The following EPHA8 variants were observed in gnomAD, a reference collection of about 807,000 sequenced individuals.
EPHA8 encodes EPH receptor A8, also known as ephrin type-A receptor 8.
A neutral mutation model predicts 103.6 loss-of-function variants in EPHA8; 58 were observed. That is an observed-to-expected ratio of 0.56 (90% CI 0.45 to 0.70). The LOEUF (loss-of-function observed/expected upper bound fraction) is 0.70, where lower values mean the gene tolerates loss of function less well. Among genes scored for constraint, EPHA8 ranks in the 30% least tolerant of loss-of-function variants. The pLI is 0.00. For missense variants in EPHA8, 1,304 were observed against 1,395.2 expected (o/e 0.93, Z 1.04); for synonymous variants, 559 against 572.5 (o/e 0.98, Z 0.34).
chr1:22,571,205 G>T (rs919485539), intron 2 of EPHA8, among the ~76,000 whole-genome samples: 1 of 152,200 alleles, frequency 6.6e-6, no homozygotes, highest in African/African-American at 2.4e-5. Flanking sequence ...TTTCATGCGG[G>T]GCGCTATAAT....
At chr1:22,601,598 A>G in intron 16 of EPHA8, 29 bp from the exon 17 acceptor site, 2 of 1,582,054 alleles carry the variant, frequency 1.3e-6, no homozygotes, top group Non-Finnish European at 1.7e-6. Flanking sequence ...TCCCAGGCCC[A>G]GCTGGCCAGC....
chr1:22,570,394 A>G (rs1208025634), intron 2 of EPHA8, among the ~76,000 whole-genome samples: 2 of 83,446 alleles, frequency 2.4e-5, no homozygotes, highest in East Asian at 2.7e-4. Context: ...GCGCGCGCGC[A>G]TACGCACATA....
In EPHA8 at chr1:22,579,205, GTGCATGTGTGTGTATGTA is replaced by G. The variant is rs1640957076; in HGVS notation, c.823+2338_823+2355del. Among the ~76,000 whole-genome samples, 3 of 150,108 alleles carry G rather than the reference GTGCATGTGTGTGTATGTA, an allele frequency of 2.0e-5. No individual in the cohort carries two copies. The South Asian group carries it at 6.5e-4, about 32-fold the overall frequency. Reference sequence around the variant, plus strand: ...TGTGCGTGAATATATGTGTACCTGTGTGCATGTGTGTGTATGTATGCATGTGTGTGCATGTGAGTATAT... The same window carrying G: ...TGTGCGTGAATATATGTGTACCTGTGTGCATGTGTGTGCATGTGAGTATAT... On this transcript the variant is annotated intron_variant, in intron 3 of 16. Transcript: ENST00000166244.
At chr1:22,599,632 A>G (rs1188881286) in intron 13 of EPHA8, among the ~76,000 whole-genome samples, 17 of 85,258 alleles carry the variant, frequency 2.0e-4, no homozygotes, top group African/African-American at 9.4e-4. Flanking sequence ...AAGGGAAGGA[A>G]GGAAGGGAGG....
In EPHA8 at chr1:22,569,950, C is replaced by T. The variant is rs577719387; in HGVS notation, c.159+597C>T. Among the ~76,000 whole-genome samples, 3 of 152,252 alleles carry T rather than the reference C, an allele frequency of 2.0e-5. No individual in the cohort carries two copies. The highest frequency in any genetic ancestry group is 1.9e-4 in the East Asian group (1 of 5,186). ...GGGCAGTAGAGTAGGAGTGAGCCCG[C>T]GAGCCTGGTGAGATCCCAGCTCTGC... On this transcript the variant is annotated intron_variant, in intron 2 of 16. Coordinates refer to ENST00000166244, the MANE Select transcript of EPHA8 (RefSeq NM_020526.5). The surrounding 1 kb of genome is among the most constrained non-coding windows in gnomAD (Gnocchi z 4.5).
At chr1:22,590,731 T>C (rs545228485) in intron 5 of EPHA8, among the ~76,000 whole-genome samples, 1 of 151,078 alleles carries the variant, frequency 6.6e-6, no homozygotes, top group South Asian at 2.1e-4. Context: ...TGGGCGGCTG[T>C]TTCAGGGCCC....
At position 22,576,663 on chromosome 1, in the gene EPHA8, G is replaced by A. The variant is rs55952392; in HGVS notation, c.606G>A (p.Lys202=). ...LAILSLRIYY[K]KCPAMVRNLA... ...TCCTCTCTCTCCGCATCTACTATAAGAAGTGCCCTGCCATGGTGCGCAATC... is the reference window on the plus strand; with the variant it reads ...TCCTCTCTCTCCGCATCTACTATAAAAAGTGCCCTGCCATGGTGCGCAATC... The change falls in exon 3 of 17, where the codon AAG becomes AAA. Residue 202 remains lysine (K), a synonymous_variant. Transcript: ENST00000166244. This position sits in a 1 kb window ranked among gnomAD's most constrained non-coding sequence, Gnocchi z 4.8. 100 of 1,613,850 alleles carry A rather than the reference G, an allele frequency of 6.2e-5. No individual in the cohort carries two copies. The East Asian group carries it at 2.1e-3, about 33-fold the overall frequency.
In EPHA8 at chr1:22,590,247, C is replaced by T. The variant is rs189166920; in HGVS notation, c.1315+1041C>T. Reference sequence around the variant, plus strand: ...CACCTGTCTCTAGGCACCTGAGGCCCCTGGCAGGCTGGTCCCAAGTGGAGG... The same window carrying T: ...CACCTGTCTCTAGGCACCTGAGGCCTCTGGCAGGCTGGTCCCAAGTGGAGG... On this transcript the variant is annotated intron_variant, in intron 5 of 16. Transcript: ENST00000166244. Among the ~76,000 whole-genome samples, 187 of 152,308 alleles carry T rather than the reference C, an allele frequency of 1.2e-3. 1 individual carries two copies. The East Asian group carries it at 0.019, about 15-fold the overall frequency.
chr1:22,587,854 C>T (rs1485632233), intron 4 of EPHA8, among the ~76,000 whole-genome samples: 1 of 152,214 alleles, frequency 6.6e-6, no homozygotes, highest in African/African-American at 2.4e-5. Context: ...CCCACCCTCC[C>T]TCCACTGCCC....
chr1:22,586,773 T>A, intron 4 of EPHA8, 138 bp downstream of exon 4: 3 of 1,057,394 alleles, frequency 2.8e-6, no homozygotes, highest in Non-Finnish European at 2.6e-6. Context: ...CAGAGGCCAG[T>A]CTGAGGTGGG....
Position 22,597,692 on chromosome 1 carries a change from C to G in EPHA8, c.1947C>G (p.Val649=). Residue 649 remains valine (V), a synonymous_variant, in exon 11 of 17, where the codon GTC becomes GTG. Transcript: ENST00000166244. This position sits in a 1 kb window ranked among gnomAD's most constrained non-coding sequence, Gnocchi z 4.6. Reference sequence around the variant, plus strand: ...GGCCTGCAGGAGACTCCGGGGAAGTCTGCTACGGGAGGCTGCGGGTGCCAG... The same window carrying G: ...GGCCTGCAGGAGACTCCGGGGAAGTGTGCTACGGGAGGCTGCGGGTGCCAG... ...KIIGSGDSGE[V]CYGRLRVPGQ... The G allele has an allele frequency of 6.2e-7, 1 of 1,610,182 alleles. No homozygotes were observed. Among genetic ancestry groups the G allele is most frequent in the Non-Finnish European group, 8.5e-7 (1 of 1,178,374 alleles).
intron 3 of EPHA8, among the ~76,000 whole-genome samples, chr1:22,582,802 G>A (rs142501411): frequency 6.6e-5 from 10 of 152,298 alleles, no homozygotes; most frequent in African/African-American, 1.2e-4. Flanking sequence ...ATCACCCAGC[G>A]GAGCAGCAGC....
chr1:22,584,294 G>A (rs1229412721), intron 3 of EPHA8, among the ~76,000 whole-genome samples: 1 of 152,172 alleles, frequency 6.6e-6, no homozygotes, highest in African/African-American at 2.4e-5. Flanking sequence ...TCACGACTCC[G>A]AGCTCCTAGA....
Position 22,586,464 on chromosome 1 carries a change from G to T in EPHA8, c.824-16G>T, listed in dbSNP as rs200249624. 5 of 1,611,670 alleles carry T rather than the reference G, an allele frequency of 3.1e-6. No individual in the cohort carries two copies. The South Asian group carries it at 3.3e-5, about 11-fold the overall frequency. Reference sequence around the variant, plus strand: ...TGGCCCTGCTGGCTCATGTGCAGCCGCCTTCTCCTCCACAGCCTGTGAGCT... The same window carrying T: ...TGGCCCTGCTGGCTCATGTGCAGCCTCCTTCTCCTCCACAGCCTGTGAGCT... On this transcript the variant is annotated splice_polypyrimidine_tract_variant and intron_variant, in intron 3 of 16. Transcript: ENST00000166244.
chr1:22,599,157 G>A (rs1001912805), intron 13 of EPHA8, 110 bp downstream of exon 13: 2 of 1,231,698 alleles, frequency 1.6e-6, no homozygotes, highest in East Asian at 2.6e-5. Context: ...GCAGTTTCGG[G>A]GTGGCCCTCA....
chr1:22,573,859 C>A (rs953191368), intron 2 of EPHA8, among the ~76,000 whole-genome samples: 1 of 152,226 alleles, frequency 6.6e-6, no homozygotes, highest in African/African-American at 2.4e-5. Flanking sequence ...ACTACAGATG[C>A]CCACACCCAG....
At chr1:22,574,136 G>T (rs1033159673) in intron 2 of EPHA8, among the ~76,000 whole-genome samples, 1 of 152,132 alleles carries the variant, frequency 6.6e-6, no homozygotes, top group African/African-American at 2.4e-5. Context: ...CCGCCACCAC[G>T]CCCGGCCAAC....
In EPHA8 at chr1:22,597,821, C is replaced by T. The variant is rs776524709; in HGVS notation, c.2076C>T (p.Asp692=). 3.1e-6 allele frequency: 5 copies of T among 1,612,942 alleles called. No homozygotes were observed. The highest frequency in any genetic ancestry group is 4.2e-6 in the Non-Finnish European group (5 of 1,179,850). Residue 692 remains aspartate, a synonymous_variant, in exon 11 of 17, where the codon GAC becomes GAT. Transcript: ENST00000166244. The surrounding 1 kb of genome is among the most constrained non-coding windows in gnomAD (Gnocchi z 4.6). ...LSEASIMGQF[D]HPNIIRLEGV... is the part of the protein sequence containing the mutation. ...AGGCGTCCATCATGGGGCAATTCGA[C>T]CATCCCAACATCATCCGCCTCGAGG...
In EPHA8 at chr1:22,598,388, G is replaced by A. The variant is rs1641583595; in HGVS notation, c.2178+176G>A. Among the ~76,000 whole-genome samples the A allele has an allele frequency of 2.0e-5, 3 of 152,132 alleles. No homozygotes were observed. Among genetic ancestry groups the A allele is most frequent in the African/African-American group, 4.8e-5 (2 of 41,436 alleles). ...AGTTCAGCCAGTCGAACTGCCTTTCGGCCCCCATTGCATGAAAGTCCCTCT... is the reference window on the plus strand; with the variant it reads ...AGTTCAGCCAGTCGAACTGCCTTTCAGCCCCCATTGCATGAAAGTCCCTCT... On this transcript the variant is annotated intron_variant, in intron 12 of 16. Coordinates refer to ENST00000166244, the MANE Select transcript of EPHA8 (RefSeq NM_020526.5). The surrounding 1 kb of genome is among the most constrained non-coding windows in gnomAD (Gnocchi z 5.1).
Sources: allele counts gnomAD v4.1 joint callset (sites outside exome capture counted in the v4.1 genomes callset), GRCh38; gene constraint gnomAD v4.1.1; non-coding constraint Gnocchi (gnomAD v3.1); transcripts MANE v1.5; gene names NCBI Gene and HGNC (gene_info 2026-07-23, HGNC 2026-07-21).